LAMA2: variants seen among roughly 807,000 people sequenced by gnomAD.
LAMA2 encodes laminin subunit alpha-2.
A neutral mutation model predicts 364.8 loss-of-function variants in LAMA2; 269 were observed. The observed-to-expected ratio is 0.74, with a 90% CI of 0.67 to 0.82. The LOEUF is 0.82. Ranked by LOEUF, LAMA2 falls within the 40% of genes least tolerant of loss-of-function variation. The pLI, the probability that LAMA2 is intolerant of heterozygous loss-of-function variation, is 0.00. For synonymous variants in LAMA2, 1,379 were observed against 1,370.6 expected, an observed-to-expected ratio of 1.01 and a Z score of -0.14; for missense variants, 3,807 against 3,873.2, an observed-to-expected ratio of 0.98 and a Z score of 0.45.
At chr6:129,145,080 G>A (rs1778353603) in intron 5 of LAMA2, among the ~76,000 whole-genome samples, 1 of 151,892 alleles carries the variant, frequency 6.6e-6, no homozygotes, top group Non-Finnish European at 1.5e-5. Context: ...TATGACTAGA[G>A]GTATAGCTAA....
chr6:129,408,275 G>A (rs1780347800), intron 40 of LAMA2, among the ~76,000 whole-genome samples: 1 of 152,142 alleles, frequency 6.6e-6, no homozygotes. Context: ...CTTTGCCCCA[G>A]TCCGGCAAAG....
chr6:129,135,245 C>A (rs1777719165), intron 4 of LAMA2, among the ~76,000 whole-genome samples: 1 of 152,080 alleles, frequency 6.6e-6, no homozygotes, highest in Non-Finnish European at 1.5e-5. Context: ...GGAATGGAAT[C>A]CCAAATCAGA....
chr6:129,453,228 A>G, intron 46 of LAMA2, 97 bp downstream of exon 46: 3 of 1,165,184 alleles, frequency 2.6e-6, no homozygotes, highest in Non-Finnish European at 3.8e-6. Context: ...TATGGTCCCC[A>G]AATGGTCTAA....
At chr6:128,931,909 TA>T (rs1253428425) in intron 1 of LAMA2, among the ~76,000 whole-genome samples, 1 of 152,224 alleles carries the variant, frequency 6.6e-6, no homozygotes, top group Non-Finnish European at 1.5e-5. Flanking sequence ...TTAACTCCAT[TA>T]TTTTGTTTTA....
At chr6:129,367,498 A>G (rs1324979769) in intron 33 of LAMA2, among the ~76,000 whole-genome samples, 1 of 152,246 alleles carries the variant, frequency 6.6e-6, no homozygotes, top group Admixed American at 6.5e-5. Flanking sequence ...ATTCAGGGTA[A>G]CCAGAGAATG....
chr6:129,493,325 G>A (rs753374891), intron 58 of LAMA2, among the ~76,000 whole-genome samples: 6 of 152,048 alleles, frequency 3.9e-5, no homozygotes, highest in Non-Finnish European at 7.3e-5. Context: ...TCAGACTGCT[G>A]GTATTCAAAT....
At chr6:129,231,994 A>T (rs769725320) in intron 12 of LAMA2, among the ~76,000 whole-genome samples, 15 of 152,136 alleles carry the variant, frequency 9.9e-5, no homozygotes, top group Non-Finnish European at 2.1e-4. Context: ...AATACCTTTC[A>T]AAAAGTAATG....
intron 22 of LAMA2, among the ~76,000 whole-genome samples, chr6:129,302,042 A>G (rs1361859901): frequency 6.6e-6 from 1 of 152,134 alleles, no homozygotes; most frequent in Non-Finnish European, 1.5e-5. Flanking sequence ...TGACTTGCTT[A>G]CCTGTTTACC....
intron 1 of LAMA2, among the ~76,000 whole-genome samples, chr6:129,043,065 A>T (rs1787216679): frequency 6.6e-6 from 1 of 152,146 alleles, no homozygotes; most frequent in South Asian, 2.1e-4. Context: ...TATATTTATT[A>T]AAAACTACCT....
chr6:129,014,040 G>A (rs1053750408), intron 1 of LAMA2, among the ~76,000 whole-genome samples: 11 of 152,118 alleles, frequency 7.2e-5, no homozygotes, highest in African/African-American at 2.2e-4. Flanking sequence ...GAAAATCAAG[G>A]ATAGATTCTA....
At chr6:129,147,547 G>A (rs1318218708) in intron 6 of LAMA2, among the ~76,000 whole-genome samples, 2 of 151,914 alleles carry the variant, frequency 1.3e-5, no homozygotes, top group Non-Finnish European at 2.9e-5. Context: ...TACTGATAGT[G>A]GCAAGCCGGA....
At chr6:128,890,905 G>A (rs1306757825) in intron 1 of LAMA2, among the ~76,000 whole-genome samples, 3 of 152,044 alleles carry the variant, frequency 2.0e-5, no homozygotes, top group Admixed American at 6.6e-5. Flanking sequence ...CTTCTGAAAA[G>A]ATGAAAAACC....
At chr6:129,203,317 T>G (rs922727275) in intron 12 of LAMA2, among the ~76,000 whole-genome samples, 1 of 152,212 alleles carries the variant, frequency 6.6e-6, no homozygotes, top group Non-Finnish European at 1.5e-5. Flanking sequence ...CTGTATCCAG[T>G]GGATTGTTGG....
intron 32 of LAMA2, among the ~76,000 whole-genome samples, chr6:129,360,301 C>T (rs1777388678): frequency 6.6e-6 from 1 of 152,136 alleles, no homozygotes; most frequent in Non-Finnish European, 1.5e-5. Flanking sequence ...TAGTAAATTA[C>T]ATTTGGTTTT....
intron 1 of LAMA2, among the ~76,000 whole-genome samples, chr6:128,963,690 C>G (rs1213113144): frequency 1.3e-5 from 2 of 152,112 alleles, no homozygotes; most frequent in Non-Finnish European, 2.9e-5. Flanking sequence ...TAACCAGACT[C>G]ATCATTTTGG....
chr6:129,114,465 C>T (rs535728755), intron 4 of LAMA2, among the ~76,000 whole-genome samples: 1 of 152,100 alleles, frequency 6.6e-6, no homozygotes, highest in South Asian at 2.1e-4. Context: ...GATTATAACT[C>T]ACACAATTCC....
chr6:129,181,793 A>G (rs933631273), intron 10 of LAMA2, among the ~76,000 whole-genome samples: 7 of 151,932 alleles, frequency 4.6e-5, no homozygotes, highest in Non-Finnish European at 1.0e-4. Flanking sequence ...AAAAATAATG[A>G]AGGAGAGAAG....
intron 35 of LAMA2, among the ~76,000 whole-genome samples, chr6:129,388,770 A>G (rs1779165074): frequency 6.6e-6 from 1 of 152,208 alleles, no homozygotes; most frequent in Non-Finnish European, 1.5e-5. Flanking sequence ...TATTAATATC[A>G]TCTTCATTTT....
At chr6:129,222,026 T>G (rs1783889007) in intron 12 of LAMA2, among the ~76,000 whole-genome samples, 5 of 152,138 alleles carry the variant, frequency 3.3e-5, no homozygotes, top group Admixed American at 3.3e-4. Flanking sequence ...TTTAAAAATG[T>G]AAGAAAATAA....
Sources: allele counts gnomAD v4.1 joint callset (sites outside exome capture counted in the v4.1 genomes callset), GRCh38; gene constraint gnomAD v4.1.1; transcripts MANE v1.5; gene names NCBI Gene and HGNC (gene_info 2026-07-23, HGNC 2026-07-21).